PITPNC1: variants seen among roughly 807,000 people sequenced by gnomAD.
PITPNC1 encodes cytoplasmic phosphatidylinositol transfer protein 1.
A neutral mutation model predicts 44.7 loss-of-function variants in PITPNC1; 18 were observed. The observed-to-expected ratio is 0.40, with a 90% CI of 0.28 to 0.60. The LOEUF is 0.60. Among genes scored for constraint, PITPNC1 ranks in the 20% least tolerant of loss-of-function variants. The pLI, the probability that PITPNC1 is intolerant of heterozygous loss-of-function variation, is 0.39. For missense variants in PITPNC1, 290 were observed against 418.4 expected, an observed-to-expected ratio of 0.69 and a Z score of 2.68; for synonymous variants, 141 against 149.6, an observed-to-expected ratio of 0.94 and a Z score of 0.42.
intron 1 of PITPNC1, among the ~76,000 whole-genome samples, chr17:67,387,591 G>A (rs2038074005): frequency 6.6e-6 from 1 of 152,152 alleles, no homozygotes; most frequent in African/African-American, 2.4e-5. Context: ...GCTTGAACCC[G>A]GGAGGTGGAA....
rs879367785 is a variant in PITPNC1, at chr17:67,496,913, T to TA, written c.49-35875dup. Among the ~76,000 whole-genome samples, 1,119 of 143,626 alleles carry TA rather than the reference T, an allele frequency of 7.8e-3. 9 individuals carry two copies. The highest frequency in any genetic ancestry group is 0.029 in the Middle Eastern group (8 of 276). 94.2% of individuals were successfully genotyped at this position (143,626 alleles called of 152,430 possible). ...CTTCTCTGCAGAGCTTACCATAGTT[T>TA]AAAAAAAAAAAAAAGTGCTGTTTTA... On this transcript the variant is annotated intron_variant, in intron 1 of 8. Coordinates refer to ENST00000581322, the MANE Select transcript of PITPNC1 (RefSeq NM_012417.4).
chr17:67,417,751 A>G (rs1249279434), intron 1 of PITPNC1, among the ~76,000 whole-genome samples: 1 of 152,034 alleles, frequency 6.6e-6, no homozygotes, highest in Non-Finnish European at 1.5e-5. Flanking sequence ...GACTGCTTGA[A>G]GTCAATGGGG....
chr17:67,690,181 C>A (rs537593578), intron 8 of PITPNC1, among the ~76,000 whole-genome samples: 21 of 152,338 alleles, frequency 1.4e-4, no homozygotes, highest in African/African-American at 5.1e-4. Flanking sequence ...GGCACGGTGG[C>A]TCATGCCTAT....
At chr17:67,501,266 T>A (rs977891881) in intron 1 of PITPNC1, among the ~76,000 whole-genome samples, 3 of 152,162 alleles carry the variant, frequency 2.0e-5, no homozygotes, top group African/African-American at 7.2e-5. Context: ...TGTGTTATCC[T>A]GGAATTCCTT....
chr17:67,495,061 T>G (rs1452821797), intron 1 of PITPNC1, among the ~76,000 whole-genome samples: 19 of 99,020 alleles, frequency 1.9e-4, no homozygotes, highest in African/African-American at 5.2e-4. Context: ...TGTTTTTTTT[T>G]TTTTTTTTTT....
chr17:67,560,829 A>G (rs1290980298), intron 4 of PITPNC1, among the ~76,000 whole-genome samples: 1 of 152,242 alleles, frequency 6.6e-6, no homozygotes, highest in Admixed American at 6.5e-5. Context: ...GTAACAAAAC[A>G]TAACATTTTA....
At position 67,435,180 on chromosome 17, in the gene PITPNC1, T is replaced by A. The variant is rs750735185; in HGVS notation, c.48+56978T>A. Among the ~76,000 whole-genome samples, 30 of 150,116 alleles carry A rather than the reference T, an allele frequency of 2.0e-4. 1 individual carries two copies. Among genetic ancestry groups the A allele is most frequent in the Non-Finnish European group, 7.4e-5 (5 of 67,640 alleles). On this transcript the variant is annotated intron_variant, in intron 1 of 8. Coordinates refer to ENST00000581322, the MANE Select transcript of PITPNC1 (RefSeq NM_012417.4). Reference sequence around the variant, plus strand: ...CAGACTCCCTGGTTTGAACCTTGGCTCCTCTTGGGCAAATTACGCAACCTC... The same window carrying A: ...CAGACTCCCTGGTTTGAACCTTGGCACCTCTTGGGCAAATTACGCAACCTC...
chr17:67,665,687 G>A (rs981898059), intron 6 of PITPNC1, among the ~76,000 whole-genome samples: 11 of 152,092 alleles, frequency 7.2e-5, no homozygotes, highest in Admixed American at 2.6e-4. Context: ...GTGATACGTC[G>A]AATAGGGTTG....
At chr17:67,572,554 A>T (rs2041076384) in intron 4 of PITPNC1, among the ~76,000 whole-genome samples, 1 of 149,726 alleles carries the variant, frequency 6.7e-6, no homozygotes, top group African/African-American at 2.5e-5. Context: ...CCCTCCTGTT[A>T]GAGTGTGAGC....
intron 1 of PITPNC1, among the ~76,000 whole-genome samples, chr17:67,408,049 C>A (rs987215587): frequency 4.0e-5 from 6 of 151,792 alleles, no homozygotes; most frequent in Admixed American, 3.9e-4. Flanking sequence ...TCCGCCTCCC[C>A]AGTTCAAGCT....
At chr17:67,492,810 T>C (rs1422410268) in intron 1 of PITPNC1, among the ~76,000 whole-genome samples, 1 of 152,200 alleles carries the variant, frequency 6.6e-6, no homozygotes. Context: ...CTTTGTGAGA[T>C]GTGTTTATCC....
intron 5 of PITPNC1, among the ~76,000 whole-genome samples, chr17:67,599,022 ATATATATATATATTTTT>A (rs1466704007): frequency 1.4e-3 from 59 of 41,804 alleles, no homozygotes; most frequent in Middle Eastern, 8.6e-3. Context: ...ATATATATAT[ATATATATATATATTTTT>A]TTTTTTTTTT....
At chr17:67,507,647 G>A (rs575857057) in intron 1 of PITPNC1, among the ~76,000 whole-genome samples, 1 of 137,318 alleles carries the variant, frequency 7.3e-6, no homozygotes, top group East Asian at 2.2e-4. Flanking sequence ...TCGTACTGCT[G>A]CACTCCAGCC....
chr17:67,402,456 C>T (rs531893282), intron 1 of PITPNC1, among the ~76,000 whole-genome samples: 1 of 152,146 alleles, frequency 6.6e-6, no homozygotes, highest in Non-Finnish European at 1.5e-5. Context: ...CTGCTGGCTG[C>T]TTCTGACAAG....
At chr17:67,599,034 A>ATATATTTTTTTTTTT (rs1461493250) in intron 5 of PITPNC1, among the ~76,000 whole-genome samples, 1 of 35,688 alleles carries the variant, frequency 2.8e-5, no homozygotes, top group African/African-American at 1.1e-4. Flanking sequence ...ATATATATAT[A>ATATATTTTTTTTTTT]TTTTTTTTTT....
At chr17:67,614,736 G>T (rs895587289) in intron 5 of PITPNC1, among the ~76,000 whole-genome samples, 3 of 151,252 alleles carry the variant, frequency 2.0e-5, no homozygotes, top group Non-Finnish European at 3.0e-5. Context: ...CACAGCCCAG[G>T]CACAATGGCT....
rs778805115 is a variant in PITPNC1, at chr17:67,676,161, C to T, written c.682+619C>T. Among the ~76,000 whole-genome samples, 1 of 150,936 alleles carries T rather than the reference C, an allele frequency of 6.6e-6. No individual in the cohort carries two copies. Among genetic ancestry groups the T allele is most frequent in the Non-Finnish European group, 1.5e-5 (1 of 67,836 alleles). On this transcript the variant is annotated intron_variant, in intron 8 of 8. Transcript: ENST00000581322. This position sits in a 1 kb window ranked among gnomAD's most constrained non-coding sequence, Gnocchi z 4.0. ...GGCGGAGTTTGCAGTGAGCCGAGATCGCACCACTGCACTCCAGCCTGGGGG... is the reference window on the plus strand; with the variant it reads ...GGCGGAGTTTGCAGTGAGCCGAGATTGCACCACTGCACTCCAGCCTGGGGG...
chr17:67,600,599 T>C (rs1289472429), intron 5 of PITPNC1, among the ~76,000 whole-genome samples: 1 of 151,986 alleles, frequency 6.6e-6, no homozygotes, highest in Non-Finnish European at 1.5e-5. Context: ...GAAGAGATAA[T>C]TAGTGAATTG....
intron 1 of PITPNC1, among the ~76,000 whole-genome samples, chr17:67,487,097 A>G (rs1245724831): frequency 6.6e-6 from 1 of 152,176 alleles, no homozygotes; most frequent in Non-Finnish European, 1.5e-5. Context: ...CCAACATCAT[A>G]AAATATGAGT....
Sources: allele counts gnomAD v4.1 joint callset (sites outside exome capture counted in the v4.1 genomes callset), GRCh38; gene constraint gnomAD v4.1.1; non-coding constraint Gnocchi (gnomAD v3.1); transcripts MANE v1.5; gene names NCBI Gene and HGNC (gene_info 2026-07-23, HGNC 2026-07-21).